The following EHBP1 variants were observed in gnomAD, a reference collection of about 807,000 sequenced individuals.
EHBP1 encodes EH domain binding protein 1, also known as EH domain-binding protein 1.
A neutral mutation model predicts 144.0 loss-of-function variants in EHBP1; 55 were observed. The ratio of observed to expected loss-of-function variants is 0.38; its 90% CI spans 0.31 to 0.48. The LOEUF is 0.48. EHBP1 is among the 20% of genes least tolerant of loss of function. The pLI, the probability that EHBP1 is intolerant of heterozygous loss-of-function variation, is 0.98. For synonymous variants in EHBP1, 469 were observed against 472.7 expected (o/e 0.99, Z 0.10); for missense variants, 1,200 against 1,364.2 (o/e 0.88, Z 1.90).
chr2:62,691,354 T>G (rs1051209497), intron 1 of EHBP1, among the ~76,000 whole-genome samples: 1 of 152,174 alleles, frequency 6.6e-6, no homozygotes, highest in African/African-American at 2.4e-5. Context: ...TCGCTAAAGC[T>G]CTAGCCAACC....
chr2:62,978,792 G>T (rs1326762695), intron 14 of EHBP1, among the ~76,000 whole-genome samples: 1 of 152,064 alleles, frequency 6.6e-6, no homozygotes, highest in Non-Finnish European at 1.5e-5. Flanking sequence ...ACGTCTTTTA[G>T]CCACTGCTCT....
chr2:62,699,870 CA>C (rs1008704132), intron 1 of EHBP1, among the ~76,000 whole-genome samples: 1 of 152,192 alleles, frequency 6.6e-6, no homozygotes, highest in Admixed American at 6.5e-5. Flanking sequence ...ACCTGAGTTT[CA>C]AGGAAGTCAA....
chr2:62,977,083 A>C (rs759718874), intron 14 of EHBP1, among the ~76,000 whole-genome samples: 2 of 151,794 alleles, frequency 1.3e-5, no homozygotes, highest in Non-Finnish European at 2.9e-5. Flanking sequence ...TAAGTAGTCC[A>C]TTGCCATCCT....
chr2:62,755,234 T>G (rs561746396), intron 3 of EHBP1, among the ~76,000 whole-genome samples: 11 of 152,214 alleles, frequency 7.2e-5, no homozygotes, highest in Non-Finnish European at 1.2e-4. Context: ...TTGCTTGTTC[T>G]TGAGTTTCAT....
chr2:62,681,891 C>T (rs2033544260), intron 1 of EHBP1, among the ~76,000 whole-genome samples: 1 of 152,084 alleles, frequency 6.6e-6, no homozygotes, highest in Admixed American at 6.6e-5. Context: ...TTGGAAAGAG[C>T]CATTACAGAG....
At chr2:63,033,478 C>G (rs186357733) in intron 19 of EHBP1, among the ~76,000 whole-genome samples, 1 of 152,240 alleles carries the variant, frequency 6.6e-6, no homozygotes, top group East Asian at 1.9e-4. Context: ...TATGTATTTA[C>G]TCTTTCCCAT....
intron 1 of EHBP1, among the ~76,000 whole-genome samples, chr2:62,684,556 G>A (rs2151735293): frequency 6.6e-6 from 1 of 152,362 alleles, no homozygotes; most frequent in Non-Finnish European, 1.5e-5. Flanking sequence ...TTGATTTTAA[G>A]CACATGAAGC....
At chr2:62,705,351 C>G (rs1239417502), upstream of EHBP1, among the ~76,000 whole-genome samples, 1 of 152,146 alleles carries the variant, frequency 6.6e-6, no homozygotes, top group Non-Finnish European at 1.5e-5. Context: ...CAGCCCCGCA[C>G]CAGCGGCGCC....
chr2:62,696,021 A>AT (rs2034075001), intron 1 of EHBP1, among the ~76,000 whole-genome samples: 1 of 151,938 alleles, frequency 6.6e-6, no homozygotes, highest in Non-Finnish European at 1.5e-5. Flanking sequence ...CCTAATCATT[A>AT]TTTTTTATTG....
chr2:62,805,941 A>G (rs2044415136), intron 5 of EHBP1, among the ~76,000 whole-genome samples: 1 of 151,764 alleles, frequency 6.6e-6, no homozygotes, highest in African/African-American at 2.4e-5. Context: ...GATCATTGAT[A>G]TCATCGAATT....
chr2:62,789,914 A>G (rs1055415854), intron 5 of EHBP1, among the ~76,000 whole-genome samples: 3 of 152,192 alleles, frequency 2.0e-5, no homozygotes, highest in Non-Finnish European at 2.9e-5. Context: ...AGTTACCTAA[A>G]ACTTACTTGT....
At chr2:62,946,886 C>G (rs901339263) in intron 12 of EHBP1, among the ~76,000 whole-genome samples, 1 of 152,072 alleles carries the variant, frequency 6.6e-6, no homozygotes, top group Non-Finnish European at 1.5e-5. Flanking sequence ...AGTTTCCCCA[C>G]AAGGAAGCTA....
At chr2:62,899,589 A>G (rs1558879558) in intron 10 of EHBP1, among the ~76,000 whole-genome samples, 1 of 152,218 alleles carries the variant, frequency 6.6e-6, no homozygotes, top group African/African-American at 2.4e-5. Flanking sequence ...AGACTTGGAC[A>G]AAGAACACCT....
chr2:62,760,984 A>G (rs2040725272), intron 3 of EHBP1, among the ~76,000 whole-genome samples: 1 of 152,170 alleles, frequency 6.6e-6, no homozygotes, highest in Admixed American at 6.6e-5. Context: ...CTCTTTTTCT[A>G]ACATTTTTAT....
chr2:62,792,812 A>G (rs930436968), intron 5 of EHBP1, among the ~76,000 whole-genome samples: 1 of 152,030 alleles, frequency 6.6e-6, no homozygotes, highest in African/African-American at 2.4e-5. Context: ...GCTTACCTAC[A>G]GTGTTATTAG....
At chr2:62,729,978 A>C (rs2037349558) in intron 2 of EHBP1, among the ~76,000 whole-genome samples, 1 of 152,136 alleles carries the variant, frequency 6.6e-6, no homozygotes, top group South Asian at 2.1e-4. Context: ...ACTGTAATAA[A>C]GCAAATATTG....
intron 19 of EHBP1, among the ~76,000 whole-genome samples, chr2:63,016,728 G>C (rs943600675): frequency 6.6e-6 from 1 of 152,146 alleles, no homozygotes; most frequent in Non-Finnish European, 1.5e-5. Flanking sequence ...ATCGCGCCCA[G>C]CCTGAAATTA....
At chr2:62,728,681 T>C (rs1393343293) in intron 2 of EHBP1, among the ~76,000 whole-genome samples, 2 of 152,108 alleles carry the variant, frequency 1.3e-5, no homozygotes, top group Non-Finnish European at 2.9e-5. Context: ...TTCTCTCATG[T>C]TGTAAGCTAT....
Position 62,695,335 on chromosome 2 carries a change from C to T in EHBP1, c.-295-11562C>T, listed in dbSNP as rs182462572. On this transcript the variant is annotated intron_variant, in intron 1 of 22. Transcript: ENST00000405015. ...GTGATCACACCACTGCACTCTACTC[C>T]GGATGACAGAGCGAGACTCTGTCTC... is the stretch of plus-strand genomic sequence containing the variant. Among the ~76,000 whole-genome samples, 12 of 151,958 alleles carry T rather than the reference C, an allele frequency of 7.9e-5. No individual in the cohort carries two copies. In the East Asian group the frequency reaches 1.4e-3, roughly 17 times the overall value.
Sources: gnomAD v4.1 joint callset for allele counts (sites outside exome capture counted in the v4.1 genomes callset) on GRCh38, gnomAD v4.1.1 for gene constraint, MANE v1.5 for transcripts, NCBI Gene and HGNC (gene_info 2026-07-23, HGNC 2026-07-21) for gene names.